Variants in SLC6A4 observed in about 807,000 individuals in gnomAD.
SLC6A4 encodes the protein sodium-dependent serotonin transporter.
Under a neutral mutation model 73.4 loss-of-function variants are expected in SLC6A4, and 22 were observed. The observed-to-expected ratio is 0.30, with a 90% CI of 0.21 to 0.43. The LOEUF is 0.43. SLC6A4 is among the 20% of genes least tolerant of loss of function. The pLI is 1.00. For missense variants in SLC6A4, 593 were observed against 808.5 expected, an observed-to-expected ratio of 0.73 and a Z score of 3.23; for synonymous variants, 270 against 315.5, an observed-to-expected ratio of 0.86 and a Z score of 1.53.
intron 8 of SLC6A4, 109 bp downstream of exon 8, chr17:30,215,502 G>C: frequency 1.1e-6 from 1 of 874,094 alleles, no homozygotes; most frequent in Non-Finnish European, 1.9e-6. Flanking sequence ...TGGTATCAAG[G>C]CCTAAGCCTG....
chr17:30,219,028 G>A, intron 3 of SLC6A4, 97 bp from the exon 4 acceptor site: 1 of 1,465,946 alleles, frequency 6.8e-7, no homozygotes. Context: ...CGGATGATGT[G>A]AGTGTCAGGA....
At chr17:30,199,153 C>T (rs1905953013) in intron 14 of SLC6A4, among the ~76,000 whole-genome samples, 1 of 152,154 alleles carries the variant, frequency 6.6e-6, no homozygotes, top group Non-Finnish European at 1.5e-5. Context: ...ATGTAGTACT[C>T]ATCACAGAGA....
chr17:30,206,862 T>C (rs1972305), intron 13 of SLC6A4, among the ~76,000 whole-genome samples: 53,183 of 151,230 alleles, frequency 0.35, 11,883 homozygotes, highest in East Asian at 0.82. Flanking sequence ...CCTAGTACCA[T>C]GCCCAGCTAA....
chr17:30,212,813 A>G lies in SLC6A4; in HGVS notation c.1131T>C (p.Phe377=). ...VNCMTSFVSG[F]VIFTVLGYMA... ...TGTAACCGAGCACTGTGAAGATGACAAATCCCGAAACGAAGCTCGTCATGC... is the reference window on the plus strand; with the variant it reads ...TGTAACCGAGCACTGTGAAGATGACGAATCCCGAAACGAAGCTCGTCATGC... The change falls in exon 9 of 15, where the codon TTT becomes TTC. Residue 377 remains phenylalanine, a synonymous_variant. Coordinates refer to ENST00000650711, the MANE Select transcript of SLC6A4 (RefSeq NM_001045.6). 6.2e-7 allele frequency: 1 copy of G among 1,614,202 alleles called. No homozygotes were observed. Among genetic ancestry groups the G allele is most frequent in the South Asian group, 1.1e-5 (1 of 91,088 alleles).
intron 14 of SLC6A4, among the ~76,000 whole-genome samples, chr17:30,200,519 AT>A (rs1905999091): frequency 6.6e-6 from 1 of 152,178 alleles, no homozygotes; most frequent in Non-Finnish European, 1.5e-5. Context: ...TACCCTTCAA[AT>A]TACACCAGTA....
intron 1 of SLC6A4, 58 bp from the exon 2 acceptor site, chr17:30,222,973 T>A: frequency 9.3e-6 from 5 of 536,146 alleles, no homozygotes; most frequent in Non-Finnish European, 1.7e-5. Context: ...GCCGTCCCCC[T>A]GTGCCTCCAC....
chr17:30,200,573 G>C (rs954262458), intron 14 of SLC6A4, among the ~76,000 whole-genome samples: 1 of 152,128 alleles, frequency 6.6e-6, no homozygotes, highest in Admixed American at 6.5e-5. Context: ...CATATGGCCA[G>C]GGCCCAAAAG....
intron 1 of SLC6A4, among the ~76,000 whole-genome samples, chr17:30,231,486 A>G (rs1156956873): frequency 2.0e-5 from 3 of 151,486 alleles, no homozygotes; most frequent in Non-Finnish European, 4.4e-5. Context: ...TATAGTGTGT[A>G]TATATATCTG....
At chr17:30,216,683 T>A (rs1055521713) in intron 6 of SLC6A4, among the ~76,000 whole-genome samples, 1 of 152,008 alleles carries the variant, frequency 6.6e-6, no homozygotes, top group Non-Finnish European at 1.5e-5. Flanking sequence ...TTCCTTTTTT[T>A]TTTTAGTGAG....
chr17:30,231,429 A>ATATGTATATATATATCTG, intron 1 of SLC6A4, among the ~76,000 whole-genome samples: 1 of 151,398 alleles, frequency 6.6e-6, no homozygotes, highest in African/African-American at 2.4e-5. Context: ...CTGTATGTAC[A>ATATGTATATATATATCTG]TATGTATATA....
chr17:30,218,040 G>T, intron 5 of SLC6A4, 78 bp downstream of exon 5: 1 of 1,127,504 alleles, frequency 8.9e-7, no homozygotes, highest in Non-Finnish European at 1.3e-6. Context: ...CCTTGGCCCT[G>T]GCCTTCTTTT....
chr17:30,203,494 A>G (rs1906097886), intron 13 of SLC6A4, 155 bp from the exon 14 acceptor site: 1 of 656,670 alleles, frequency 1.5e-6, no homozygotes, highest in Middle Eastern at 4.2e-4. Context: ...GACACACAGA[A>G]TTACCAACTT....
At chr17:30,222,360 G>T (rs1017438300) in intron 2 of SLC6A4, among the ~76,000 whole-genome samples, 5 of 152,200 alleles carry the variant, frequency 3.3e-5, no homozygotes, top group African/African-American at 1.2e-4. Flanking sequence ...CTGGACTGGA[G>T]AGCAAAGCAC....
intron 14 of SLC6A4, among the ~76,000 whole-genome samples, chr17:30,201,557 C>A (rs1006345485): frequency 2.0e-4 from 30 of 152,178 alleles, no homozygotes; most frequent in African/African-American, 7.0e-4. Flanking sequence ...CAACCTTGGC[C>A]TCTGGATTTG....
chr17:30,228,122 A>G (rs532614483), intron 1 of SLC6A4, among the ~76,000 whole-genome samples: 43 of 152,350 alleles, frequency 2.8e-4, no homozygotes, highest in African/African-American at 9.9e-4. Flanking sequence ...GTCATCTTTC[A>G]TTAGTTCCTC....
chr17:30,234,931 G>A (rs1395943946), intron 1 of SLC6A4, among the ~76,000 whole-genome samples: 1 of 152,166 alleles, frequency 6.6e-6, no homozygotes, highest in African/African-American at 2.4e-5. Flanking sequence ...TTGAGCTCCA[G>A]AGAGCTTTTT....
intron 14 of SLC6A4, among the ~76,000 whole-genome samples, chr17:30,200,030 C>T (rs538072964): frequency 3.5e-4 from 53 of 152,270 alleles, no homozygotes; most frequent in Middle Eastern, 3.4e-3. Context: ...TCCCAAGTAG[C>T]TGGACCTACA....
chr17:30,210,010 G>T (rs1284114966), intron 11 of SLC6A4, among the ~76,000 whole-genome samples: 1 of 151,696 alleles, frequency 6.6e-6, no homozygotes, highest in African/African-American at 2.4e-5. Context: ...CCACTCCAGG[G>T]CCATCGGGGT....
At chr17:30,220,985 T>G (rs2143015402) in intron 3 of SLC6A4, among the ~76,000 whole-genome samples, 1 of 147,092 alleles carries the variant, frequency 6.8e-6, no homozygotes, top group Admixed American at 6.7e-5. Flanking sequence ...TTTTTTTTTT[T>G]TTTTTTTTTG....
Sources: gnomAD v4.1 joint callset for allele counts (sites outside exome capture counted in the v4.1 genomes callset) on GRCh38, gnomAD v4.1.1 for gene constraint, MANE v1.5 for transcripts, NCBI Gene and HGNC (gene_info 2026-07-23, HGNC 2026-07-21) for gene names.